CRYBG1: variants seen among roughly 807,000 people sequenced by gnomAD.
CRYBG1 encodes the protein beta/gamma crystallin domain-containing protein 1.
In CRYBG1, 139 loss-of-function variants were observed where a neutral mutation model predicts 189.2. The ratio of observed to expected loss-of-function variants is 0.73; its 90% confidence interval spans 0.64 to 0.85. The LOEUF (loss-of-function observed/expected upper bound fraction) is 0.85. Among genes scored for constraint, CRYBG1 ranks in the 40% least tolerant of loss-of-function variants. The pLI, the probability that CRYBG1 is intolerant of heterozygous loss-of-function variation, is 0.00. For missense variants in CRYBG1, 2,611 were observed against 2,675.8 expected (o/e 0.98, Z 0.53); for synonymous variants, 1,023 against 1,017.1 (o/e 1.01, Z -0.11).
intron 7 of CRYBG1, among the ~76,000 whole-genome samples, chr6:106,529,170 G>A (rs956736279): frequency 2.0e-5 from 3 of 152,058 alleles, no homozygotes; most frequent in African/African-American, 7.2e-5. Context: ...GCTCTCGAAC[G>A]CCTGACCTCA....
rs1771848919 is a variant in CRYBG1, at chr6:106,360,733, C to A, written c.-176C>A. On this transcript the variant is annotated 5_prime_UTR_variant, in exon 1 of 22. Coordinates refer to ENST00000633556, the MANE Select transcript of CRYBG1 (RefSeq NM_001371242.2). ...TCGGGCTGCAGTGCTGCTCGCGCTG[C>A]GCTGGGTGCTGGTTCTGCAACCCGC... 9 of 662,404 alleles carry A rather than the reference C, an allele frequency of 1.4e-5. No homozygotes were observed. In the Admixed American group the frequency reaches 1.8e-4, roughly 13 times the overall value. 41.0% of individuals were successfully genotyped at this position (662,404 alleles called of 1,614,324 possible). A position where few individuals can be genotyped will look rare whatever the true frequency, so the allele number is the denominator to read the frequency against.
In CRYBG1 at chr6:106,511,837, A is replaced by C; in HGVS notation, c.720A>C (p.Ala240=). 6.6e-7 allele frequency: 1 copy of C among 1,516,254 alleles called. No individual in the cohort carries two copies. The highest frequency in any genetic ancestry group is 8.8e-7 in the Non-Finnish European group (1 of 1,134,430). The allele number at this position is 1,516,254 out of a possible 1,614,324, so 93.9% of individuals were successfully genotyped here. ...NDSPQLEPLE[A]EGEPFPDATT... ...CACCCCAATTAGAACCTCTGGAGGC[A>C]GAGGGAGAGCCTTTCCCAGATGCCA... Residue 240 remains alanine (A), a synonymous_variant, in exon 3 of 22, where the codon GCA becomes GCC. Transcript: ENST00000633556.
chr6:106,366,429 C>T (rs776355251), intron 1 of CRYBG1, among the ~76,000 whole-genome samples: 1 of 152,126 alleles, frequency 6.6e-6, no homozygotes, highest in African/African-American at 2.4e-5. Flanking sequence ...TAGTTTACCC[C>T]GATAACTTCT....
chr6:106,562,660 T>G (rs1323360753), intron 20 of CRYBG1, among the ~76,000 whole-genome samples: 1 of 152,096 alleles, frequency 6.6e-6, no homozygotes, highest in African/African-American at 2.4e-5. Flanking sequence ...CTAACTTTTT[T>G]GTATTTTTAG....
intron 1 of CRYBG1, among the ~76,000 whole-genome samples, chr6:106,438,452 G>A (rs1362703102): frequency 6.6e-6 from 1 of 152,072 alleles, no homozygotes; most frequent in Non-Finnish European, 1.5e-5. Flanking sequence ...TGCTCCTTCT[G>A]AAGGCTCTAG....
chr6:106,568,609 C>G lies in CRYBG1; in HGVS notation c.*43C>G, dbSNP rs892066948. The G allele has an allele frequency of 2.8e-6, 4 of 1,451,346 alleles. No individual in the cohort carries two copies. Among genetic ancestry groups the G allele is most frequent in the South Asian group, 1.1e-5 (1 of 86,960 alleles). The allele number at this position is 1,451,346 out of a possible 1,614,324, so 89.9% of individuals were successfully genotyped here. On this transcript the variant is annotated 3_prime_UTR_variant, in exon 22 of 22. Coordinates refer to ENST00000633556, the MANE Select transcript of CRYBG1 (RefSeq NM_001371242.2). ...ATCTTCTGGAGGTCCTTCCAGCCAC[C>G]TTATTTCTTAAAAAGGACAATGCTG... is the stretch of plus-strand genomic sequence containing the variant.
chr6:106,385,681 A>T (rs116476175), intron 1 of CRYBG1, among the ~76,000 whole-genome samples: 40 of 152,332 alleles, frequency 2.6e-4, no homozygotes, highest in African/African-American at 9.4e-4. Flanking sequence ...CCTGAATTGC[A>T]TACCACGGTG....
At chr6:106,470,100 T>C (rs1772199959) in intron 2 of CRYBG1, among the ~76,000 whole-genome samples, 2 of 152,136 alleles carry the variant, frequency 1.3e-5, no homozygotes, top group Non-Finnish European at 2.9e-5. Flanking sequence ...CAGTCACTCC[T>C]CTCCAGTCTG....
At chr6:106,361,636 G>A (rs1284232404) in intron 1 of CRYBG1, among the ~76,000 whole-genome samples, 4 of 152,214 alleles carry the variant, frequency 2.6e-5, no homozygotes, top group Admixed American at 6.5e-5. Context: ...TCTCCCCATT[G>A]GAGCCAGTGG....
chr6:106,389,078 A>G (rs1388684598), intron 1 of CRYBG1, among the ~76,000 whole-genome samples: 4 of 152,106 alleles, frequency 2.6e-5, no homozygotes, highest in African/African-American at 4.8e-5. Flanking sequence ...CTGAAGTGAC[A>G]CTTGGGATTA....
At chr6:106,394,442 C>G (rs1770568093) in intron 1 of CRYBG1, among the ~76,000 whole-genome samples, 1 of 152,116 alleles carries the variant, frequency 6.6e-6, no homozygotes, top group South Asian at 2.1e-4. Context: ...AATGCTTTTT[C>G]TTGCACATCT....
At position 106,488,605 on chromosome 6, in the gene CRYBG1, G is replaced by A. The variant is rs147144118; in HGVS notation, c.313-22825G>A. On this transcript the variant is annotated intron_variant, in intron 2 of 21. Coordinates refer to ENST00000633556, the MANE Select transcript of CRYBG1 (RefSeq NM_001371242.2). ...GGTGCTTGCAGGCCAGAGGCTATACGCAGCTCTCTCTGGTGGGGTGGGCTG... is the reference window on the plus strand; with the variant it reads ...GGTGCTTGCAGGCCAGAGGCTATACACAGCTCTCTCTGGTGGGGTGGGCTG... Among the ~76,000 whole-genome samples, 325 of 152,184 alleles carry A rather than the reference G, an allele frequency of 2.1e-3. 1 individual carries two copies. The highest frequency in any genetic ancestry group is 6.0e-3 in the South Asian group (29 of 4,814).
intron 2 of CRYBG1, among the ~76,000 whole-genome samples, chr6:106,467,762 A>G (rs1042429396): frequency 6.6e-6 from 1 of 152,126 alleles, no homozygotes; most frequent in Non-Finnish European, 1.5e-5. Flanking sequence ...GCAAAATCTG[A>G]CCTGAACTGA....
At chr6:106,525,240 G>A (rs1249193576) in intron 5 of CRYBG1, 28 bp from the exon 6 acceptor site, 7 of 1,613,396 alleles carry the variant, frequency 4.3e-6, no homozygotes, top group Non-Finnish European at 4.2e-6. Context: ...GTACAACAAA[G>A]TGTGCTACCA....
At chr6:106,470,582 T>TTA (rs1332453212) in intron 2 of CRYBG1, among the ~76,000 whole-genome samples, 2 of 151,612 alleles carry the variant, frequency 1.3e-5, no homozygotes, top group Admixed American at 1.3e-4. Context: ...AAAAAAAAAA[T>TTA]TATATATATA....
chr6:106,393,649 G>A (rs537014595), intron 1 of CRYBG1, among the ~76,000 whole-genome samples: 1 of 150,934 alleles, frequency 6.6e-6, no homozygotes, highest in African/African-American at 2.4e-5. Context: ...CTGTGTAATA[G>A]CTCCTTACTC....
intron 1 of CRYBG1, among the ~76,000 whole-genome samples, chr6:106,436,540 C>T (rs960144964): frequency 1.1e-4 from 16 of 152,166 alleles, no homozygotes; most frequent in Non-Finnish European, 2.1e-4. Context: ...GTGATCCACC[C>T]ACCTTGGCCT....
In CRYBG1 at chr6:106,544,714, C is replaced by T. The variant is rs2114575330; in HGVS notation, c.5166+17C>T. 1 of 1,611,176 alleles carries T rather than the reference C, an allele frequency of 6.2e-7. No individual in the cohort carries two copies. The highest frequency in any genetic ancestry group is 8.5e-7 in the Non-Finnish European group (1 of 1,178,998). ...ATATTAGGTGTAAGTAAAGGACAAG[C>T]TAATGGCTAATACTTGGTCTTCTTT... is the stretch of plus-strand genomic sequence containing the variant. On this transcript the variant is annotated intron_variant, in intron 12 of 21. Transcript: ENST00000633556.
At chr6:106,418,584 A>AT in intron 1 of CRYBG1, among the ~76,000 whole-genome samples, 1 of 152,186 alleles carries the variant, frequency 6.6e-6, no homozygotes, top group East Asian at 1.9e-4. Context: ...ACTTACAACT[A>AT]TTTTTCCAAC....
Sources: allele counts gnomAD v4.1 joint callset (sites outside exome capture counted in the v4.1 genomes callset), GRCh38; gene constraint gnomAD v4.1.1; transcripts MANE v1.5; gene names NCBI Gene and HGNC (gene_info 2026-07-23, HGNC 2026-07-21).